Variants in MAN1C1 observed in about 807,000 individuals in gnomAD.
MAN1C1 encodes mannosidase alpha class 1C member 1, also known as mannosyl-oligosaccharide 1,2-alpha-mannosidase IC.
In MAN1C1, 49 loss-of-function variants were observed where a neutral mutation model predicts 71.5. The ratio of observed to expected loss-of-function variants is 0.69; its 90% CI spans 0.54 to 0.87. The LOEUF is 0.87. Among genes scored for constraint, MAN1C1 ranks in the 40% least tolerant of loss-of-function variants. The pLI is 0.00. For missense variants in MAN1C1, 743 were observed against 835.0 expected (o/e 0.89, Z 1.36); for synonymous variants, 352 against 343.7 (o/e 1.02, Z -0.27).
In MAN1C1 at chr1:25,643,421, ATTTTTTTTTT is replaced by A. The variant is rs11326338; in HGVS notation, c.540+25096_540+25105del. ...AGGCACCCGCCACCACGCCTGGCTA[ATTTTTTTTTT>A]TTTTTTTTTTTGTATTTTTAGTAGA... On this transcript the variant is annotated intron_variant, in intron 1 of 11. Coordinates refer to ENST00000374332, the MANE Select transcript of MAN1C1 (RefSeq NM_020379.4). Among the ~76,000 whole-genome samples the A allele has an allele frequency of 5.1e-4, 59 of 115,440 alleles. 1 individual carries two copies. Among genetic ancestry groups the A allele is most frequent in the African/African-American group, 1.7e-3 (47 of 27,366 alleles). The allele number at this position is 115,440 out of a possible 152,430, so 75.7% of individuals were successfully genotyped here.
intron 1 of MAN1C1, among the ~76,000 whole-genome samples, chr1:25,681,283 A>G (rs1040704711): frequency 2.0e-5 from 3 of 152,084 alleles, no homozygotes; most frequent in Non-Finnish European, 4.4e-5. Flanking sequence ...ACAGAGCAAA[A>G]TTAGCAAAGG....
At chr1:25,701,872 C>G (rs1225646377) in intron 2 of MAN1C1, among the ~76,000 whole-genome samples, 4 of 152,126 alleles carry the variant, frequency 2.6e-5, no homozygotes, top group Non-Finnish European at 5.9e-5. Context: ...CCAGCCTGGC[C>G]AACATGGAGA....
At chr1:25,639,409 CTT>C in intron 1 of MAN1C1, among the ~76,000 whole-genome samples, 1 of 152,172 alleles carries the variant, frequency 6.6e-6, no homozygotes, top group African/African-American at 2.4e-5. Context: ...TGTTTAGACA[CTT>C]TTTATTCTAT....
In MAN1C1 at chr1:25,702,517, A is replaced by G. The variant is rs562067629; in HGVS notation, c.637+15981A>G. Among the ~76,000 whole-genome samples, 7 of 152,220 alleles carry G rather than the reference A, an allele frequency of 4.6e-5. No individual in the cohort carries two copies. In the East Asian group the frequency reaches 9.7e-4, roughly 21 times the overall value. On this transcript the variant is annotated intron_variant, in intron 2 of 11. Transcript: ENST00000374332. ...CATACCAGAGTCTACAGCTCAACTC[A>G]CTGAAATGGGGAGGAAGCAAAACCC...
chr1:25,709,240 C>G (rs2124242805), intron 2 of MAN1C1, among the ~76,000 whole-genome samples: 1 of 152,292 alleles, frequency 6.6e-6, no homozygotes, highest in South Asian at 2.1e-4. Flanking sequence ...AGAAGGGACA[C>G]TCAGAGACCT....
At chr1:25,681,980 T>C (rs1001622924) in intron 1 of MAN1C1, among the ~76,000 whole-genome samples, 10 of 152,314 alleles carry the variant, frequency 6.6e-5, no homozygotes, top group Admixed American at 2.6e-4. Context: ...TTTATTTTTC[T>C]GTACTAGCTG....
At chr1:25,624,327 T>C (rs1464266631) in intron 1 of MAN1C1, among the ~76,000 whole-genome samples, 1 of 152,196 alleles carries the variant, frequency 6.6e-6, no homozygotes, top group Non-Finnish European at 1.5e-5. Context: ...AGACCTGCTT[T>C]GGTGTCTCCA....
intron 1 of MAN1C1, among the ~76,000 whole-genome samples, chr1:25,636,159 GA>G (rs2045457101): frequency 6.6e-6 from 1 of 152,200 alleles, no homozygotes; most frequent in South Asian, 2.1e-4. Flanking sequence ...GGCAAAATCA[GA>G]ACTACTGATA....
At position 25,784,158 on chromosome 1, in the gene MAN1C1, GT is replaced by G. The variant is rs2047736467; in HGVS notation, c.*373del. The G allele has an allele frequency of 1.6e-5, 3 of 184,166 alleles. No individual in the cohort carries two copies. Among genetic ancestry groups the G allele is most frequent in the Admixed American group, 1.1e-4 (2 of 17,838 alleles). 11.4% of individuals were successfully genotyped at this position (184,166 alleles called of 1,614,324 possible). ...GATTTTGTCTTTTCTCTACAGTTTA[GT>G]TTTGTCACAATTACACATATAGTTT... On this transcript the variant is annotated 3_prime_UTR_variant, in exon 12 of 12. Transcript: ENST00000374332.
intron 4 of MAN1C1, among the ~76,000 whole-genome samples, chr1:25,751,870 G>A (rs1030831458): frequency 1.3e-5 from 2 of 152,126 alleles, no homozygotes; most frequent in Non-Finnish European, 2.9e-5. Context: ...TTGGCATGGC[G>A]TCACTGCTTG....
At chr1:25,659,431 T>A (rs1024325128) in intron 1 of MAN1C1, among the ~76,000 whole-genome samples, 1 of 152,230 alleles carries the variant, frequency 6.6e-6, no homozygotes, top group Non-Finnish European at 1.5e-5. Context: ...TGGCTACCTC[T>A]TTCTCAAGCT....
chr1:25,696,357 A>T lies in MAN1C1; in HGVS notation c.637+9821A>T, dbSNP rs1430631412. 3.3e-5 allele frequency among the ~76,000 whole-genome samples: 5 copies of T among 151,152 alleles called. No homozygotes were observed. The East Asian group carries it at 1.0e-3, about 30-fold the overall frequency. On this transcript the variant is annotated intron_variant, in intron 2 of 11. Transcript: ENST00000374332. ...GGCAGGTCCTGAGAGGGCCGGGACT[A>T]CCTGAGGTCAGACAGCCAGGATCGA...
chr1:25,774,516 A>T (rs192116755), intron 8 of MAN1C1, among the ~76,000 whole-genome samples: 2 of 151,754 alleles, frequency 1.3e-5, no homozygotes, highest in East Asian at 3.9e-4. Context: ...CTTGCCTGAA[A>T]CCCCTCCCGC....
At chr1:25,663,818 C>T (rs757970290) in intron 1 of MAN1C1, among the ~76,000 whole-genome samples, 12 of 152,102 alleles carry the variant, frequency 7.9e-5, no homozygotes, top group African/African-American at 1.9e-4. Context: ...CCTGGCCCTG[C>T]GGGTTCTCCC....
At chr1:25,668,323 CCTGCTGG>C (rs924600945) in intron 1 of MAN1C1, among the ~76,000 whole-genome samples, 10 of 151,452 alleles carry the variant, frequency 6.6e-5, no homozygotes, top group Admixed American at 5.9e-4. Flanking sequence ...TCAGAATTCT[CCTGCTGG>C]CTGCTGGCTG....
intron 1 of MAN1C1, among the ~76,000 whole-genome samples, chr1:25,625,287 G>A (rs2124749364): frequency 6.6e-6 from 1 of 152,228 alleles, no homozygotes; most frequent in South Asian, 2.1e-4. Context: ...TTACAGGTGT[G>A]AGCCGCACCC....
At chr1:25,677,139 C>T (rs1262979262) in intron 1 of MAN1C1, among the ~76,000 whole-genome samples, 1 of 152,136 alleles carries the variant, frequency 6.6e-6, no homozygotes, top group African/African-American at 2.4e-5. Context: ...AAATATTTTG[C>T]ACTAAAAAAT....
intron 1 of MAN1C1, among the ~76,000 whole-genome samples, chr1:25,673,338 C>G (rs919814608): frequency 2.0e-5 from 3 of 152,130 alleles, no homozygotes; most frequent in Admixed American, 2.0e-4. Context: ...GGTTTCTGCT[C>G]CATTCTGTGA....
chr1:25,703,551 C>T (rs2124224736), intron 2 of MAN1C1, among the ~76,000 whole-genome samples: 1 of 152,260 alleles, frequency 6.6e-6, no homozygotes, highest in East Asian at 1.9e-4. Context: ...TGTGGTGGTG[C>T]ATGTCCGTAA....
Sources: gnomAD v4.1 joint callset for allele counts (sites outside exome capture counted in the v4.1 genomes callset) on GRCh38, gnomAD v4.1.1 for gene constraint, MANE v1.5 for transcripts, NCBI Gene and HGNC (gene_info 2026-07-23, HGNC 2026-07-21) for gene names.